RALGAPB: variants seen among roughly 807,000 people sequenced by gnomAD.
RALGAPB encodes the protein Ral GTPase activating protein non-catalytic subunit beta.
A neutral mutation model predicts 161.1 loss-of-function variants in RALGAPB; 25 were observed. The ratio of observed to expected loss-of-function variants is 0.16; its 90% CI spans 0.11 to 0.22. RALGAPB has a LOEUF of 0.22. RALGAPB is among the 10% of genes least tolerant of loss of function. RALGAPB has a pLI of 1.00. For synonymous variants in RALGAPB, 629 were observed against 626.1 expected, an observed-to-expected ratio of 1.00 and a Z score of -0.07; for missense variants, 1,391 against 1,815.2, an observed-to-expected ratio of 0.77 and a Z score of 4.25.
intron 18 of RALGAPB, among the ~76,000 whole-genome samples, chr20:38,541,953 G>A (rs571020712): frequency 6.6e-6 from 1 of 152,284 alleles, no homozygotes; most frequent in South Asian, 2.1e-4. Flanking sequence ...TTTTGGTGTA[G>A]TAAAGTGGTA....
intron 5 of RALGAPB, among the ~76,000 whole-genome samples, chr20:38,508,657 G>A (rs745787166): frequency 1.3e-5 from 2 of 152,036 alleles, no homozygotes; most frequent in Non-Finnish European, 2.9e-5. Flanking sequence ...TTGTAAAGAA[G>A]ATGCTGATAA....
At chr20:38,540,320 G>A (rs374996607) in intron 17 of RALGAPB, among the ~76,000 whole-genome samples, 1 of 152,206 alleles carries the variant, frequency 6.6e-6, no homozygotes, top group East Asian at 1.9e-4. Flanking sequence ...TGCAAACCTA[G>A]AGCACAGCTC....
chr20:38,482,159 G>A (rs1474314281), intron 1 of RALGAPB, among the ~76,000 whole-genome samples: 1 of 152,022 alleles, frequency 6.6e-6, no homozygotes, highest in Non-Finnish European at 1.5e-5. Context: ...AAAAGAAAAT[G>A]TTATTAAGAA....
intron 2 of RALGAPB, among the ~76,000 whole-genome samples, chr20:38,489,991 C>T (rs2085229620): frequency 6.6e-6 from 1 of 151,556 alleles, no homozygotes; most frequent in Non-Finnish European, 1.5e-5. Context: ...ATGAGAATTC[C>T]TGTTTCCTCT....
chr20:38,549,533 T>TAA (rs66699514), intron 20 of RALGAPB, among the ~76,000 whole-genome samples: 1 of 138,590 alleles, frequency 7.2e-6, no homozygotes, highest in Non-Finnish European at 1.6e-5. Context: ...CCAGCCTAAT[T>TAA]AAAAAAAAAA....
At chr20:38,551,299 C>G in intron 21 of RALGAPB, 76 bp downstream of exon 21, 1 of 1,486,544 alleles carries the variant, frequency 6.7e-7, no homozygotes. Context: ...CAAGACAATG[C>G]TTTTAGTGTT....
At chr20:38,486,178 G>GGT (rs1341069307) in intron 1 of RALGAPB, among the ~76,000 whole-genome samples, 1 of 151,806 alleles carries the variant, frequency 6.6e-6, no homozygotes. Context: ...CCATGATGTT[G>GGT]TCCAGGCTGG....
chr20:38,495,858 A>AT (rs1429707785), intron 3 of RALGAPB, among the ~76,000 whole-genome samples: 1 of 152,126 alleles, frequency 6.6e-6, no homozygotes, highest in Non-Finnish European at 1.5e-5. Flanking sequence ...AGGAACAGGT[A>AT]TTTCCTTTCC....
rs1366896401 is a variant in RALGAPB, at chr20:38,492,979, A to T, written c.236A>T (p.Asp79Val). The T allele has an allele frequency of 6.2e-7, 1 of 1,612,838 alleles. No individual in the cohort carries two copies. The highest frequency in any genetic ancestry group is 8.5e-7 in the Non-Finnish European group (1 of 1,179,092). The change falls in exon 3 of 30, where the codon GAT becomes GTT. Residue 79 changes from aspartate (D) to valine (V), a missense_variant. By Grantham distance (152) the Asp-to-Val change is radical. Around this residue, in one of 3 missense-constraint regions of RALGAPB, gnomAD observed 946 missense variants for 1,257.2 expected, o/e 0.75. Coordinates refer to ENST00000262879, the MANE Select transcript of RALGAPB (RefSeq NM_020336.4). ...VICYGLTLPL[D>V]GETVKYCVDV... The stretch of plus-strand genomic sequence containing the variant: ...TGCTATGGACTGACCCTTCCATTGG[A>T]TGGAGAGACTGTAAAATATTGCGTT...
chr20:38,564,388 TTTGCTAACCTC>T (rs1208240719), intron 24 of RALGAPB, among the ~76,000 whole-genome samples: 1 of 152,198 alleles, frequency 6.6e-6, no homozygotes. Context: ...ACAGAAAAAG[TTTGCTAACCTC>T]TTGTCTAAAG....
intron 1 of RALGAPB, among the ~76,000 whole-genome samples, chr20:38,474,012 TTGAC>T (rs1407940164): frequency 6.6e-6 from 1 of 152,216 alleles, no homozygotes; most frequent in Non-Finnish European, 1.5e-5. Context: ...GATCTTTAGG[TTGAC>T]TGACCACTAC....
chr20:38,480,437 A>AGT (rs1406337464), intron 1 of RALGAPB, among the ~76,000 whole-genome samples: 1 of 135,074 alleles, frequency 7.4e-6, no homozygotes, highest in Admixed American at 7.9e-5. Context: ...CCCAGGCTGT[A>AGT]GTGCAGTGGC....
chr20:38,566,839 C>T (rs1024975262), intron 25 of RALGAPB, among the ~76,000 whole-genome samples: 6 of 152,172 alleles, frequency 3.9e-5, no homozygotes, highest in Non-Finnish European at 8.8e-5. Flanking sequence ...AGCCAAATGC[C>T]GCCAAGAATG....
chr20:38,499,638 G>T lies in RALGAPB; in HGVS notation c.740+5G>T. 6.2e-7 allele frequency: 1 copy of T among 1,606,148 alleles called. No individual in the cohort carries two copies. Among genetic ancestry groups the T allele is most frequent in the Non-Finnish European group, 8.5e-7 (1 of 1,176,432 alleles). On this transcript the variant is annotated splice_donor_5th_base_variant and intron_variant, in intron 5 of 29. Coordinates refer to ENST00000262879, the MANE Select transcript of RALGAPB (RefSeq NM_020336.4). ...CATTTGTGCACTCACTTCCAGGTAG[G>T]TTATTGTCATTGCCCTGCCTTCCTT... is the stretch of plus-strand genomic sequence containing the variant.
chr20:38,553,113 A>T (rs994364544), intron 21 of RALGAPB, among the ~76,000 whole-genome samples: 2 of 152,156 alleles, frequency 1.3e-5, no homozygotes, highest in African/African-American at 4.8e-5. Context: ...AAGGGGGCTT[A>T]TGATTGGAGA....
At chr20:38,505,462 G>T (rs575849381) in intron 5 of RALGAPB, among the ~76,000 whole-genome samples, 1 of 152,140 alleles carries the variant, frequency 6.6e-6, no homozygotes. Flanking sequence ...GAAAAGTCCA[G>T]ATGATGGGAT....
intron 29 of RALGAPB, 123 bp downstream of exon 29, chr20:38,574,421 A>T: frequency 8.8e-7 from 1 of 1,140,768 alleles, no homozygotes; most frequent in Non-Finnish European, 1.2e-6. Context: ...AGGAAATGGT[A>T]TGGCTCTTGT....
chr20:38,546,101 C>T, intron 18 of RALGAPB, 142 bp from the exon 19 acceptor site: 1 of 1,429,230 alleles, frequency 7.0e-7, no homozygotes, highest in South Asian at 1.4e-5. Context: ...TGGCATTCAC[C>T]ACAAGGAGTA....
intron 1 of RALGAPB, among the ~76,000 whole-genome samples, chr20:38,478,570 G>A (rs1005784324): frequency 9.9e-5 from 15 of 151,800 alleles, no homozygotes; most frequent in East Asian, 9.7e-4. Context: ...ACAGGCAGCC[G>A]CCACCACACC....
Sources: allele counts gnomAD v4.1 joint callset (sites outside exome capture counted in the v4.1 genomes callset), GRCh38; gene constraint gnomAD v4.1.1; regional missense constraint gnomAD v4.1.1; transcripts MANE v1.5; gene names NCBI Gene and HGNC (gene_info 2026-07-23, HGNC 2026-07-21).